Variants in TSHR observed in about 807,000 individuals in gnomAD.
The protein encoded by TSHR is thyrotropin receptor.
TSHR carries 51 observed loss-of-function variants against 64.1 expected under a neutral mutation model. The ratio of observed to expected loss-of-function variants is 0.80; its 90% CI spans 0.64 to 1.01. The LOEUF (loss-of-function observed/expected upper bound fraction) is 1.01, where lower values mean the gene tolerates loss of function less well. TSHR is among the 50% of genes least tolerant of loss of function. The pLI is 0.00. For synonymous variants in TSHR, 361 were observed against 361.9 expected, an observed-to-expected ratio of 1.00 and a Z score of 0.03; for missense variants, 877 against 942.8, an observed-to-expected ratio of 0.93 and a Z score of 0.91.
chr14:81,031,143 C>A (rs762639938), intron 1 of TSHR, among the ~76,000 whole-genome samples: 4 of 152,092 alleles, frequency 2.6e-5, no homozygotes, highest in Non-Finnish European at 4.4e-5. Context: ...TAAATCTGTT[C>A]ACTCTCCTGC....
At chr14:81,127,201 G>A (rs1244105868) in intron 8 of TSHR, among the ~76,000 whole-genome samples, 7 of 152,168 alleles carry the variant, frequency 4.6e-5, no homozygotes, top group African/African-American at 1.4e-4. Flanking sequence ...ATGTGGATGG[G>A]TACTAAATGT....
chr14:81,053,506 C>T (rs1307406511), intron 1 of TSHR: 1 of 152,170 alleles, frequency 6.6e-6, no homozygotes, highest in Non-Finnish European at 1.5e-5. Context: ...AAATACCAAT[C>T]AAGAATGCTG....
At chr14:81,042,931 T>TA (rs1009173755) in intron 1 of TSHR, among the ~76,000 whole-genome samples, 44 of 151,830 alleles carry the variant, frequency 2.9e-4, no homozygotes, top group African/African-American at 9.9e-4. Flanking sequence ...AATGTGTCAG[T>TA]AAAAAACAAA....
Position 81,143,968 on chromosome 14 carries a change from T to C in TSHR, c.1910T>C (p.Met637Thr), listed in dbSNP as rs759305750. Residue 637 changes from methionine to threonine, a missense_variant, in exon 10 of 10, where the codon ATG becomes ACG. Met to Thr is a moderately conservative substitution (Grantham distance 81). Transcript: ENST00000298171. ...AVLIFTDFIC[M>T]APISFYALSA... Reference sequence around the variant, plus strand: ...TTGATCTTCACCGACTTCATATGCATGGCCCCAATCTCATTCTATGCTCTG... The same window carrying C: ...TTGATCTTCACCGACTTCATATGCACGGCCCCAATCTCATTCTATGCTCTG... The C allele has an allele frequency of 6.2e-6, 10 of 1,614,100 alleles. No individual in the cohort carries two copies. Among genetic ancestry groups the C allele is most frequent in the South Asian group, 2.2e-5 (2 of 91,088 alleles).
At chr14:80,984,698 A>T (rs1888348235) in intron 1 of TSHR, among the ~76,000 whole-genome samples, 1 of 152,182 alleles carries the variant, frequency 6.6e-6, no homozygotes, top group Non-Finnish European at 1.5e-5. Flanking sequence ...CTCCACATGC[A>T]TGTGTCCATC....
intron 8 of TSHR, among the ~76,000 whole-genome samples, chr14:81,111,399 C>T (rs916830088): frequency 2.6e-5 from 4 of 152,210 alleles, no homozygotes; most frequent in African/African-American, 9.6e-5. Context: ...CCAAATCTGG[C>T]TCCTGCCTTT....
intron 3 of TSHR, among the ~76,000 whole-genome samples, chr14:81,073,021 A>AAAAT (rs1566794433): frequency 1.0e-4 from 5 of 48,576 alleles, no homozygotes; most frequent in East Asian, 9.8e-4. Context: ...ATAAAAAATA[A>AAAAT]ATATATATAT....
chr14:81,079,223 C>T (rs1887717953), intron 3 of TSHR, among the ~76,000 whole-genome samples: 1 of 152,186 alleles, frequency 6.6e-6, no homozygotes, highest in Non-Finnish European at 1.5e-5. Flanking sequence ...AAACACTGGA[C>T]ACTTCCATTT....
intron 7 of TSHR, among the ~76,000 whole-genome samples, chr14:81,106,768 A>G (rs1248602346): frequency 6.6e-6 from 1 of 152,004 alleles, no homozygotes; most frequent in Non-Finnish European, 1.5e-5. Context: ...AACATGGTGA[A>G]ACCCTGTCTC....
chr14:81,037,062 G>C (rs936706993), intron 1 of TSHR, among the ~76,000 whole-genome samples: 4 of 151,966 alleles, frequency 2.6e-5, no homozygotes, highest in African/African-American at 9.7e-5. Context: ...AGAATTGCTT[G>C]AACCCGGGAG....
chr14:81,085,858 G>C (rs989632903), intron 3 of TSHR, among the ~76,000 whole-genome samples: 1 of 152,150 alleles, frequency 6.6e-6, no homozygotes, highest in Non-Finnish European at 1.5e-5. Context: ...CCTGGAAAGA[G>C]AGAACCACCT....
chr14:80,956,197 C>T lies in TSHR; in HGVS notation c.170+347C>T, dbSNP rs576680322. Among the ~76,000 whole-genome samples, 12 of 152,340 alleles carry T rather than the reference C, an allele frequency of 7.9e-5. No homozygotes were observed. The South Asian group carries it at 2.5e-3, about 32-fold the overall frequency. ...TGAATTAATAAGGATAATGGCATCT[C>T]AGGAACTGACCTTTTTGATCTTACC... On this transcript the variant is annotated intron_variant, in intron 1 of 9. Coordinates refer to ENST00000298171, the MANE Select transcript of TSHR (RefSeq NM_000369.5).
chr14:81,100,521 T>C (rs1251486543), intron 7 of TSHR, among the ~76,000 whole-genome samples: 1 of 152,228 alleles, frequency 6.6e-6, no homozygotes, highest in African/African-American at 2.4e-5. Flanking sequence ...TACCTGGAGA[T>C]AGCATCAGAT....
chr14:81,080,901 A>G (rs1887853836), intron 3 of TSHR, among the ~76,000 whole-genome samples: 1 of 152,210 alleles, frequency 6.6e-6, no homozygotes, highest in Admixed American at 6.5e-5. Context: ...AATTTTCCCT[A>G]AGAAAATAGA....
At chr14:81,138,103 G>A (rs1197520232) in intron 8 of TSHR, among the ~76,000 whole-genome samples, 1 of 151,776 alleles carries the variant, frequency 6.6e-6, no homozygotes, top group Admixed American at 6.6e-5. Flanking sequence ...CTCACTAACC[G>A]CAAAGGTGTT....
chr14:81,083,029 GA>G (rs10586150), intron 3 of TSHR, among the ~76,000 whole-genome samples: 118,565 of 151,234 alleles, frequency 0.78, 47,683 homozygotes, highest in Non-Finnish European at 0.87. Context: ...TTAGTGGTTG[GA>G]AAAAAAAAAA....
At chr14:81,032,517 C>A in intron 1 of TSHR, 2 of 385,464 alleles carry the variant, frequency 5.2e-6, no homozygotes, top group South Asian at 4.9e-5. Context: ...TCAACAAATT[C>A]AAGTTCTTAC....
chr14:81,058,992 T>C (rs1464794032), intron 1 of TSHR, among the ~76,000 whole-genome samples: 1 of 152,100 alleles, frequency 6.6e-6, no homozygotes, highest in African/African-American at 2.4e-5. Flanking sequence ...AAATTAACTC[T>C]AGCCACAAAA....
chr14:81,055,478 T>C (rs1009075694), intron 1 of TSHR, among the ~76,000 whole-genome samples: 3 of 152,092 alleles, frequency 2.0e-5, no homozygotes, highest in African/African-American at 7.2e-5. Flanking sequence ...CACAGACCAC[T>C]TGCACCATGC....
Sources: allele counts gnomAD v4.1 joint callset (sites outside exome capture counted in the v4.1 genomes callset), GRCh38; gene constraint gnomAD v4.1.1; transcripts MANE v1.5; gene names NCBI Gene and HGNC (gene_info 2026-07-23, HGNC 2026-07-21).